The following IFNGR1 variants were observed in gnomAD, a reference collection of about 807,000 sequenced individuals.
IFNGR1 encodes AVP, type 2.
IFNGR1 carries 23 observed loss-of-function variants against 35.4 expected under a neutral mutation model. That is an observed-to-expected ratio of 0.65 (90% confidence interval 0.47 to 0.92). The LOEUF (loss-of-function observed/expected upper bound fraction) is 0.92. Among genes scored for constraint, IFNGR1 ranks in the 40% least tolerant of loss-of-function variants. The pLI is 0.00. For synonymous variants in IFNGR1, 199 were observed against 209.5 expected, an observed-to-expected ratio of 0.95 and a Z score of 0.43; for missense variants, 533 against 583.4, an observed-to-expected ratio of 0.91 and a Z score of 0.89.
intron 6 of IFNGR1, among the ~76,000 whole-genome samples, chr6:137,200,171 C>T (rs190359781): frequency 2.6e-5 from 4 of 152,270 alleles, no homozygotes; most frequent in Admixed American, 2.6e-4. Flanking sequence ...TGACTACTAA[C>T]TGTTGAGAGT....
rs1259638841 is a variant in IFNGR1 at position 137,198,249 on chromosome 6, A to G, written c.1252T>C (p.Cys418Arg). The G allele has an allele frequency of 5.0e-6, 8 of 1,613,558 alleles. No individual in the cohort carries two copies. The East Asian group carries it at 1.8e-4, about 36-fold the overall frequency. ...GATAAGGAGCTATGTGATTCCAGACAGCTGGAATCAGTATCAAAACCATTT... is the reference window on the plus strand; with the variant it reads ...GATAAGGAGCTATGTGATTCCAGACGGCTGGAATCAGTATCAAAACCATTT... ...SRNGFDTDSS[C>R]LESHSSLSDS... The change falls in exon 7 of 7, where the codon TGT (cysteine) becomes CGT (arginine). Residue 418 changes from cysteine to arginine, a missense_variant. Cys to Arg is a radical substitution (Grantham distance 180, BLOSUM62 -3). Coordinates refer to ENST00000367739, the MANE Select transcript of IFNGR1 (RefSeq NM_000416.3).
chr6:137,205,227 T>C (rs1025238123), intron 3 of IFNGR1, among the ~76,000 whole-genome samples: 1 of 152,100 alleles, frequency 6.6e-6, no homozygotes, highest in African/African-American at 2.4e-5. Context: ...GAAGAGCCTG[T>C]AGAAGAGACC....
intron 1 of IFNGR1, among the ~76,000 whole-genome samples, chr6:137,217,378 T>C (rs1779726826): frequency 6.6e-6 from 1 of 152,228 alleles, no homozygotes; most frequent in Non-Finnish European, 1.5e-5. Flanking sequence ...GTGTATTATT[T>C]TGTTGGCTCA....
chr6:137,210,610 A>C (rs1310570648), intron 1 of IFNGR1, among the ~76,000 whole-genome samples: 2 of 152,206 alleles, frequency 1.3e-5, no homozygotes, highest in Admixed American at 6.5e-5. Context: ...GAGGGACAGA[A>C]GTTTCTATTT....
In IFNGR1 at chr6:137,198,022, T is replaced by A; in HGVS notation, c.*9A>T. 1 of 1,613,952 alleles carries A rather than the reference T, an allele frequency of 6.2e-7. No individual in the cohort carries two copies. Among genetic ancestry groups the A allele is most frequent in the Non-Finnish European group, 8.5e-7 (1 of 1,179,944 alleles). ...ATCAGACTTCAAAGTTGGTGCAACT[T>A]AGCTGATCTCATGAAAATTCTTTGG... is the stretch of plus-strand genomic sequence containing the variant. On this transcript the variant is annotated 3_prime_UTR_variant, in exon 7 of 7. Transcript: ENST00000367739.
intron 1 of IFNGR1, chr6:137,218,689 C>G: frequency 2.8e-6 from 1 of 352,828 alleles, no homozygotes; most frequent in Non-Finnish European, 5.6e-6. Flanking sequence ...CGTCACTTAA[C>G]GATGGAGATC....
chr6:137,212,822 AG>A (rs1779607728), intron 1 of IFNGR1, among the ~76,000 whole-genome samples: 1 of 152,370 alleles, frequency 6.6e-6, no homozygotes, highest in South Asian at 2.1e-4. Flanking sequence ...TGGTTAGACT[AG>A]GACAAGGACT....
intron 1 of IFNGR1, among the ~76,000 whole-genome samples, chr6:137,216,916 A>G (rs1779709653): frequency 6.6e-6 from 1 of 152,214 alleles, no homozygotes; most frequent in Non-Finnish European, 1.5e-5. Context: ...TCTGCAGAAT[A>G]TAGAAGGCTG....
Position 137,209,394 on chromosome 6 carries a change from C to A in IFNGR1, c.86-2317G>T, listed in dbSNP as rs554276810. Among the ~76,000 whole-genome samples, 124 of 152,146 alleles carry A rather than the reference C, an allele frequency of 8.2e-4. 3 individuals carry two copies. The South Asian group carries it at 0.018, about 22-fold the overall frequency. ...ATATGGTTTGGTTGTGTGTCCCCAC[C>A]GAAATCTCAACTTGAATTGTATCTC... On this transcript the variant is annotated intron_variant, in intron 1 of 6. Transcript: ENST00000367739.
At chr6:137,208,381 A>G (rs1779495575) in intron 1 of IFNGR1, among the ~76,000 whole-genome samples, 1 of 152,212 alleles carries the variant, frequency 6.6e-6, no homozygotes, top group African/African-American at 2.4e-5. Flanking sequence ...GGCCATCGAG[A>G]AAATGTCTCC....
At chr6:137,216,736 G>A (rs1779704841) in intron 1 of IFNGR1, among the ~76,000 whole-genome samples, 1 of 152,188 alleles carries the variant, frequency 6.6e-6, no homozygotes, top group African/African-American at 2.4e-5. Context: ...CTAGAGAAAT[G>A]CACTGAAAAA....
chr6:137,218,593 C>CG (rs1779763782), intron 1 of IFNGR1: 1 of 833,874 alleles, frequency 1.2e-6, no homozygotes, highest in African/African-American at 2.3e-5. Context: ...TTTGAGTCCC[C>CG]CCCCCCACCC....
Position 137,198,422 on chromosome 6 carries a change from T to C in IFNGR1, c.1079A>G (p.Glu360Gly), listed in dbSNP as rs1400747381. 3 of 1,614,066 alleles carry C rather than the reference T, an allele frequency of 1.9e-6. No individual in the cohort carries two copies. The highest frequency in any genetic ancestry group is 1.7e-6 in the Non-Finnish European group (2 of 1,180,042). The change falls in exon 7 of 7, where the codon GAA becomes GGA. Residue 360 changes from glutamate to glycine, a missense_variant. By Grantham distance (98) the Glu-to-Gly change is moderately conservative (BLOSUM62 -2). Transcript: ENST00000367739. Reference protein sequence around the residue: ...SSITEVVTTEENIPDVVPGSH... With the variant: ...SSITEVVTTEGNIPDVVPGSH... ...GCCCGGGACCACGTCAGGAATATTT[T>C]CTTCAGTAGTCACCACTTCTGTTAT...
intron 6 of IFNGR1, 25 bp from the exon 7 acceptor site, chr6:137,198,664 G>A: frequency 6.3e-7 from 1 of 1,588,752 alleles, no homozygotes; most frequent in Non-Finnish European, 8.6e-7. Context: ...ATTGATTAAA[G>A]ATAAAAAATT....
intron 1 of IFNGR1, among the ~76,000 whole-genome samples, chr6:137,212,496 A>T (rs1779599976): frequency 6.6e-6 from 1 of 152,096 alleles, no homozygotes. Context: ...AACCTCATGA[A>T]TCGCCCACCT....
At chr6:137,215,395 T>A in intron 1 of IFNGR1, 3 of 1,425,278 alleles carry the variant, frequency 2.1e-6, no homozygotes, top group Non-Finnish European at 2.9e-6. Flanking sequence ...AGTTGAACAA[T>A]GCATTAAAAT....
chr6:137,219,337 G>A lies in IFNGR1; in HGVS notation c.-10C>T, dbSNP rs369714379. On this transcript the variant is annotated 5_prime_UTR_variant, in exon 1 of 7. Transcript: ENST00000367739. Reference sequence around the variant, plus strand: ...GAAAGAGGAGAGCCATGCTGCTACCGACGGTCGCTGGCTCCAACCCCGAGC... The same window carrying A: ...GAAAGAGGAGAGCCATGCTGCTACCAACGGTCGCTGGCTCCAACCCCGAGC... 33 of 1,597,736 alleles carry A rather than the reference G, an allele frequency of 2.1e-5. No homozygotes were observed. The African/African-American group carries it at 3.9e-4, about 19-fold the overall frequency.
Position 137,207,032 on chromosome 6 carries a change from G to C in IFNGR1, c.131C>G (p.Pro44Arg), listed in dbSNP as rs866902738. 6.2e-7 allele frequency: 1 copy of C among 1,613,858 alleles called. No individual in the cohort carries two copies. Among genetic ancestry groups the C allele is most frequent in the African/African-American group, 1.3e-5 (1 of 74,928 alleles). The change falls in exon 2 of 7, where the codon CCT (proline) becomes CGT (arginine). Residue 44 changes from proline to arginine, a missense_variant. Pro to Arg is a moderately radical substitution (Grantham distance 103, BLOSUM62 -2). Transcript: ENST00000367739. ...NVTIESYNMN[P>R]IVYWEYQIMP... ...GATCTGGTACTCCCAATATACGATAGGGTTCATGTTATAGGATTCAATTGT... is the reference window on the plus strand; with the variant it reads ...GATCTGGTACTCCCAATATACGATACGGTTCATGTTATAGGATTCAATTGT...
Position 137,198,644 on chromosome 6 carries a change from G to A in IFNGR1, c.862-5C>T, listed in dbSNP as rs1418038227. The A allele has an allele frequency of 6.2e-7, 1 of 1,605,262 alleles. No homozygotes were observed. The highest frequency in any genetic ancestry group is 2.2e-5 in the East Asian group (1 of 44,846). ...AGCACTTCTTACCACAGAGATCTAT[G>A]GGGAGAAAAATTGATTAAAGATAAA... is the stretch of plus-strand genomic sequence containing the variant. On this transcript the variant is annotated splice_region_variant and splice_polypyrimidine_tract_variant and intron_variant, in intron 6 of 6. Coordinates refer to ENST00000367739, the MANE Select transcript of IFNGR1 (RefSeq NM_000416.3).
Sources: gnomAD v4.1 joint callset for allele counts (sites outside exome capture counted in the v4.1 genomes callset) on GRCh38, gnomAD v4.1.1 for gene constraint, MANE v1.5 for transcripts, NCBI Gene and HGNC (gene_info 2026-07-23, HGNC 2026-07-21) for gene names.